Variants in PTBP3 observed in about 807,000 individuals in gnomAD.
PTBP3 encodes polypyrimidine tract-binding protein 3.
A neutral mutation model predicts 58.7 loss-of-function variants in PTBP3; 20 were observed. The ratio of observed to expected loss-of-function variants is 0.34; its 90% CI spans 0.24 to 0.50. The LOEUF is 0.50. Ranked by LOEUF, PTBP3 falls within the 20% of genes least tolerant of loss-of-function variation. The pLI is 0.98. For synonymous variants in PTBP3, 185 were observed against 219.8 expected (o/e 0.84, Z 1.40); for missense variants, 509 against 637.2 (o/e 0.80, Z 2.17).
intron 6 of PTBP3, among the ~76,000 whole-genome samples, chr9:112,251,961 G>T (rs1214899241): frequency 5.3e-5 from 8 of 152,102 alleles, no homozygotes; most frequent in Non-Finnish European, 1.2e-4. Context: ...ACAAGCCATA[G>T]TCCTCATCTT....
chr9:112,262,665 G>C (rs1329656818), intron 4 of PTBP3, 66 bp from the exon 5 acceptor site: 3 of 1,404,866 alleles, frequency 2.1e-6, no homozygotes, highest in African/African-American at 1.5e-5. Context: ...CTAAAATTTA[G>C]TTGACATAAA....
chr9:112,274,411 T>C (rs187299908), intron 3 of PTBP3, among the ~76,000 whole-genome samples: 2 of 152,340 alleles, frequency 1.3e-5, no homozygotes, highest in African/African-American at 4.8e-5. Flanking sequence ...CTAGATTTGT[T>C]GTCCTCTTCT....
chr9:112,314,033 T>G (rs1228699297), intron 1 of PTBP3, among the ~76,000 whole-genome samples: 2 of 152,228 alleles, frequency 1.3e-5, no homozygotes, highest in Non-Finnish European at 2.9e-5. Context: ...GTGTAAGCAC[T>G]GTATTAGGCA....
chr9:112,226,388 C>T (rs7048773), intron 12 of PTBP3, among the ~76,000 whole-genome samples: 72,226 of 151,942 alleles, frequency 0.48, 17,354 homozygotes, highest in African/African-American at 0.53. Context: ...AGACTTCACC[C>T]CTCTCTATAC....
At chr9:112,339,245 C>T in the PTBP3 span, among the ~76,000 whole-genome samples, 54 of 130,742 alleles carry the variant, frequency 4.1e-4, no homozygotes, top group African/African-American at 1.5e-3. Flanking sequence ...GAGCTGAGAT[C>T]GTGACACTGC....
chr9:112,350,344 A>G, the PTBP3 span, among the ~76,000 whole-genome samples: 1 of 152,208 alleles, frequency 6.6e-6, no homozygotes, highest in Non-Finnish European at 1.5e-5. Context: ...ATGTACAAAA[A>G]TAAGTAAATA....
intron 1 of PTBP3, among the ~76,000 whole-genome samples, chr9:112,328,914 A>G (rs768975759): frequency 3.3e-5 from 5 of 152,238 alleles, no homozygotes; most frequent in Non-Finnish European, 7.3e-5. Context: ...ACAAATTTAC[A>G]TAAGTCAATC....
intron 5 of PTBP3, among the ~76,000 whole-genome samples, chr9:112,259,294 C>T (rs1046940050): frequency 1.1e-4 from 16 of 152,256 alleles, no homozygotes; most frequent in Non-Finnish European, 2.2e-4. Flanking sequence ...TCTGCTAAAA[C>T]ATAAATGATA....
intron 2 of PTBP3, among the ~76,000 whole-genome samples, chr9:112,283,393 T>C (rs961231867): frequency 1.1e-4 from 16 of 152,180 alleles, no homozygotes; most frequent in Admixed American, 7.2e-4. Flanking sequence ...TAGTCTCAGA[T>C]AGAGATAAGG....
downstream of PTBP3, chr9:112,217,735 C>T (rs1310896182): frequency 6.6e-6 from 1 of 152,108 alleles, no homozygotes; most frequent in Non-Finnish European, 1.5e-5. Flanking sequence ...TATTTATTTT[C>T]CCAGTATTTA....
chr9:112,272,950 A>G (rs1818489800), intron 3 of PTBP3: 1 of 152,262 alleles, frequency 6.6e-6, no homozygotes, highest in Non-Finnish European at 1.5e-5. Flanking sequence ...GGAAATGGCA[A>G]GTATCTCTAA....
intron 5 of PTBP3, among the ~76,000 whole-genome samples, chr9:112,259,514 G>T (rs757294489): frequency 2.0e-5 from 3 of 152,010 alleles, no homozygotes; most frequent in Non-Finnish European, 4.4e-5. Flanking sequence ...TGTTCTTTTG[G>T]ACTGGATCAT....
chr9:112,264,039 G>A (rs1319940256), intron 4 of PTBP3, among the ~76,000 whole-genome samples: 1 of 151,950 alleles, frequency 6.6e-6, no homozygotes, highest in Admixed American at 6.6e-5. Context: ...TTCCTATTAT[G>A]GGAAATAATT....
upstream of PTBP3, chr9:112,333,777 G>T: frequency 1.8e-5 from 5 of 276,556 alleles, no homozygotes. Context: ...TCGCCCCGCT[G>T]GCAGCCGGCC....
At chr9:112,320,291 A>AAAATATATATATATAT (rs1411646280) in intron 1 of PTBP3, among the ~76,000 whole-genome samples, 32 of 73,502 alleles carry the variant, frequency 4.4e-4, no homozygotes, top group African/African-American at 1.2e-3. Flanking sequence ...AAAAAAAAAA[A>AAAATATATATATATAT]ATATATATAT....
intron 10 of PTBP3, among the ~76,000 whole-genome samples, chr9:112,230,089 T>C (rs1835143071): frequency 6.6e-6 from 1 of 152,138 alleles, no homozygotes. Context: ...CAACTGTGAA[T>C]TTACAAAAAT....
intron 1 of PTBP3, among the ~76,000 whole-genome samples, chr9:112,301,500 C>A (rs1022149012): frequency 6.6e-6 from 1 of 151,788 alleles, no homozygotes; most frequent in Admixed American, 6.6e-5. Flanking sequence ...ACTTAGCAAC[C>A]TCAAAAGATA....
At chr9:112,339,038 C>A in the PTBP3 span, among the ~76,000 whole-genome samples, 1 of 152,080 alleles carries the variant, frequency 6.6e-6, no homozygotes, top group Non-Finnish European at 1.5e-5. Flanking sequence ...CCAGTGTCTC[C>A]CAGAATTTTT....
the PTBP3 span, among the ~76,000 whole-genome samples, chr9:112,374,225 A>G: frequency 6.6e-6 from 1 of 152,242 alleles, no homozygotes; most frequent in African/African-American, 2.4e-5. Flanking sequence ...CTTAAAAGGT[A>G]GGAGGAGCAC....
Sources: allele counts gnomAD v4.1 joint callset (sites outside exome capture counted in the v4.1 genomes callset), GRCh38; gene constraint gnomAD v4.1.1; transcripts MANE v1.5; gene names NCBI Gene and HGNC (gene_info 2026-07-23, HGNC 2026-07-21).